Variants in NKAIN2 observed in about 807,000 individuals in gnomAD.
The protein encoded by NKAIN2 is sodium/potassium-transporting ATPase subunit beta-1-interacting protein 2.
Under a neutral mutation model 32.6 loss-of-function variants are expected in NKAIN2, and 14 were observed. The ratio of observed to expected loss-of-function variants is 0.43; its 90% CI spans 0.28 to 0.67. NKAIN2 has a LOEUF of 0.67. Among genes scored for constraint, NKAIN2 ranks in the 30% least tolerant of loss-of-function variants. NKAIN2 has a pLI of 0.17. For missense variants in NKAIN2, 198 were observed against 258.3 expected, an observed-to-expected ratio of 0.77 and a Z score of 1.60; for synonymous variants, 80 against 87.2, an observed-to-expected ratio of 0.92 and a Z score of 0.46.
intron 1 of NKAIN2, among the ~76,000 whole-genome samples, chr6:123,847,557 A>G (rs937790730): frequency 6.6e-6 from 1 of 152,160 alleles, no homozygotes. Flanking sequence ...GAACTTGAGT[A>G]TATTACATAA....
At chr6:124,740,008 G>A (rs1207767171) in intron 4 of NKAIN2, among the ~76,000 whole-genome samples, 1 of 151,788 alleles carries the variant, frequency 6.6e-6, no homozygotes, top group African/African-American at 2.4e-5. Context: ...TGAGACAAAG[G>A]GGCCTGGAGA....
At chr6:123,950,113 C>A (rs969604004) in intron 1 of NKAIN2, among the ~76,000 whole-genome samples, 2 of 151,688 alleles carry the variant, frequency 1.3e-5, no homozygotes, top group East Asian at 3.9e-4. Context: ...ATATGTAGAA[C>A]CATCCTTGCA....
intron 1 of NKAIN2, among the ~76,000 whole-genome samples, chr6:124,271,373 C>T (rs867589425): frequency 8.5e-5 from 13 of 152,122 alleles, no homozygotes; most frequent in South Asian, 2.1e-4. Flanking sequence ...CCTGCCACCA[C>T]GCCTGGCTAA....
At chr6:123,975,789 G>T (rs1778539372) in intron 1 of NKAIN2, among the ~76,000 whole-genome samples, 1 of 151,892 alleles carries the variant, frequency 6.6e-6, no homozygotes, top group African/African-American at 2.4e-5. Context: ...CCTCCCAAAG[G>T]CCCTACCTCC....
At chr6:124,648,908 TCTC>T (rs1172411505) in intron 3 of NKAIN2, among the ~76,000 whole-genome samples, 3 of 152,084 alleles carry the variant, frequency 2.0e-5, no homozygotes, top group African/African-American at 4.8e-5. Context: ...CAAGAATAAA[TCTC>T]AAGACAAATT....
At chr6:124,405,926 C>G (rs1773837166) in intron 3 of NKAIN2, among the ~76,000 whole-genome samples, 2 of 151,922 alleles carry the variant, frequency 1.3e-5, no homozygotes, top group African/African-American at 2.4e-5. Flanking sequence ...ACTGAGTATT[C>G]TTATTAAGTT....
At chr6:124,626,093 CTCCCCA>C (rs1783327472) in intron 3 of NKAIN2, among the ~76,000 whole-genome samples, 1 of 91,658 alleles carries the variant, frequency 1.1e-5, no homozygotes, top group African/African-American at 3.9e-5. Context: ...TCCCTCCCCA[CTCCCCA>C]CACCCCACAA....
intron 1 of NKAIN2, among the ~76,000 whole-genome samples, chr6:124,010,997 A>G (rs1041145913): frequency 2.0e-5 from 3 of 152,082 alleles, no homozygotes; most frequent in Non-Finnish European, 4.4e-5. Flanking sequence ...TCTAATCACT[A>G]TCTCCACTTT....
chr6:124,732,476 A>C (rs565885409), intron 4 of NKAIN2, among the ~76,000 whole-genome samples: 1 of 152,228 alleles, frequency 6.6e-6, no homozygotes, highest in South Asian at 2.1e-4. Context: ...CTATACGCCA[A>C]GTACTGTGGT....
At chr6:123,910,800 G>A (rs553338939) in intron 1 of NKAIN2, among the ~76,000 whole-genome samples, 7 of 151,938 alleles carry the variant, frequency 4.6e-5, no homozygotes, top group African/African-American at 7.2e-5. Context: ...CACCACACCC[G>A]GCCAATGCAT....
chr6:124,358,169 C>G (rs1799082620), intron 3 of NKAIN2, among the ~76,000 whole-genome samples: 1 of 152,156 alleles, frequency 6.6e-6, no homozygotes, highest in Non-Finnish European at 1.5e-5. Context: ...TTAATCCAGT[C>G]TATCATTGTT....
intron 4 of NKAIN2, among the ~76,000 whole-genome samples, chr6:124,767,899 A>G (rs920188415): frequency 3.3e-5 from 5 of 152,196 alleles, no homozygotes; most frequent in Middle Eastern, 3.2e-3. Context: ...TGGCACCACT[A>G]TATTTCAGCA....
chr6:124,391,595 A>G (rs944335676), intron 3 of NKAIN2, among the ~76,000 whole-genome samples: 1 of 152,124 alleles, frequency 6.6e-6, no homozygotes, highest in African/African-American at 2.4e-5. Flanking sequence ...CAGAACACAC[A>G]AAGAGAGCTC....
intron 1 of NKAIN2, among the ~76,000 whole-genome samples, chr6:123,928,021 C>T (rs953189995): frequency 5.3e-5 from 8 of 151,888 alleles, no homozygotes; most frequent in African/African-American, 1.2e-4. Flanking sequence ...TAATGAGTTT[C>T]GGGGGAAACT....
intron 1 of NKAIN2, among the ~76,000 whole-genome samples, chr6:124,186,182 A>G (rs373577791): frequency 6.8e-5 from 10 of 147,910 alleles, no homozygotes; most frequent in African/African-American, 2.1e-4. Context: ...GGAAAGAAAG[A>G]AAGGAAGGAA....
chr6:124,418,322 A>C (rs1327402413), intron 3 of NKAIN2, among the ~76,000 whole-genome samples: 1 of 152,006 alleles, frequency 6.6e-6, no homozygotes, highest in Non-Finnish European at 1.5e-5. Context: ...CTTGTTCTGA[A>C]CACAAAATAA....
chr6:124,297,073 A>G (rs760254860), intron 2 of NKAIN2, among the ~76,000 whole-genome samples: 2 of 152,214 alleles, frequency 1.3e-5, no homozygotes, highest in Non-Finnish European at 2.9e-5. Flanking sequence ...GATTAAAACC[A>G]GATAATAAGA....
chr6:123,901,124 TAA>T (rs1481605599), intron 1 of NKAIN2, among the ~76,000 whole-genome samples: 5 of 152,156 alleles, frequency 3.3e-5, no homozygotes, highest in Non-Finnish European at 1.5e-5. Flanking sequence ...TATTTTAAAA[TAA>T]GTCTTAGTTC....
intron 1 of NKAIN2, among the ~76,000 whole-genome samples, chr6:123,950,553 C>T (rs2114582503): frequency 6.6e-6 from 1 of 151,892 alleles, no homozygotes; most frequent in African/African-American, 2.4e-5. Context: ...AAGAATTTAT[C>T]CACTTTCTCT....
Sources: allele counts gnomAD v4.1 joint callset (sites outside exome capture counted in the v4.1 genomes callset), GRCh38; gene constraint gnomAD v4.1.1; transcripts MANE v1.5; gene names NCBI Gene and HGNC (gene_info 2026-07-23, HGNC 2026-07-21).